PDE1A: variants seen among roughly 807,000 people sequenced by gnomAD.
PDE1A encodes phosphodiesterase 1A.
In PDE1A, 35 loss-of-function variants were observed where a neutral mutation model predicts 61.7. That is an observed-to-expected ratio of 0.57 (90% CI 0.43 to 0.75). The LOEUF is 0.75. PDE1A is among the 30% of genes least tolerant of loss of function. The probability of loss-of-function intolerance (pLI) is 0.00; values close to 1 mark genes in which losing one functional copy is unlikely to be tolerated. For synonymous variants in PDE1A, 232 were observed against 213.2 expected, an observed-to-expected ratio of 1.09 and a Z score of -0.77; for missense variants, 597 against 630.6, an observed-to-expected ratio of 0.95 and a Z score of 0.57.
chr2:182,564,717 C>T, the PDE1A span, among the ~76,000 whole-genome samples: 1 of 152,188 alleles, frequency 6.6e-6, no homozygotes, highest in Non-Finnish European at 1.5e-5. Context: ...GGTCTTTTCA[C>T]ATAGTCCCAC....
At position 182,475,007 on chromosome 2, in the gene PDE1A, G is replaced by A. The variant is rs1191409686; in HGVS notation, c.101+47269C>T. Among the ~76,000 whole-genome samples the A allele has an allele frequency of 2.0e-5, 3 of 152,044 alleles. No individual in the cohort carries two copies. The East Asian group carries it at 5.8e-4, about 30-fold the overall frequency. Reference sequence around the variant, plus strand: ...AGTCAGTGTGGCTTGACATCATTCTGGGGTATCCCTTGTCACAGCACTTTT... The same window carrying A: ...AGTCAGTGTGGCTTGACATCATTCTAGGGTATCCCTTGTCACAGCACTTTT... On this transcript the variant is annotated intron_variant, in intron 2 of 14. Transcript: ENST00000410103.
At chr2:182,464,370 A>G (rs1686515483) in intron 2 of PDE1A, among the ~76,000 whole-genome samples, 2 of 152,084 alleles carry the variant, frequency 1.3e-5, no homozygotes, top group Non-Finnish European at 2.9e-5. Flanking sequence ...ATGAGTGAAA[A>G]TTTACAGCCA....
intron 1 of PDE1A, among the ~76,000 whole-genome samples, chr2:182,329,005 G>T (rs1016790141): frequency 6.6e-6 from 1 of 152,134 alleles, no homozygotes; most frequent in African/African-American, 2.4e-5. Flanking sequence ...TCTAGGGAAA[G>T]AATCCACAGC....
At chr2:182,693,202 T>C in the PDE1A span, among the ~76,000 whole-genome samples, 1 of 152,204 alleles carries the variant, frequency 6.6e-6, no homozygotes, top group Non-Finnish European at 1.5e-5. Flanking sequence ...GTAAAGAGTA[T>C]AGTGAACTCC....
At chr2:182,710,087 C>T in the PDE1A span, among the ~76,000 whole-genome samples, 3 of 152,024 alleles carry the variant, frequency 2.0e-5, no homozygotes, top group Non-Finnish European at 1.5e-5. Context: ...AGCAGAGATA[C>T]GGTTTCACCA....
At chr2:182,399,568 G>T (rs915213628) in intron 1 of PDE1A, among the ~76,000 whole-genome samples, 1 of 151,982 alleles carries the variant, frequency 6.6e-6, no homozygotes, top group African/African-American at 2.4e-5. Context: ...CTTATCAATT[G>T]TAATAGTATA....
intron 1 of PDE1A, among the ~76,000 whole-genome samples, chr2:182,404,808 T>C (rs763308810): frequency 2.0e-5 from 3 of 152,232 alleles, no homozygotes; most frequent in Non-Finnish European, 4.4e-5. Context: ...ATCTCCTTTG[T>C]TAACAATGCA....
the PDE1A span, among the ~76,000 whole-genome samples, chr2:182,556,315 G>C: frequency 6.6e-6 from 1 of 152,208 alleles, no homozygotes; most frequent in African/African-American, 2.4e-5. Context: ...TAATTTGGCT[G>C]TTGGGGTGGT....
chr2:182,518,706 A>G (rs557169346), intron 2 of PDE1A, among the ~76,000 whole-genome samples: 3 of 152,238 alleles, frequency 2.0e-5, no homozygotes, highest in Admixed American at 1.3e-4. Flanking sequence ...CATTTTTGTC[A>G]GTAGTTTATG....
chr2:182,592,639 G>GA, the PDE1A span, among the ~76,000 whole-genome samples: 4 of 151,888 alleles, frequency 2.6e-5, no homozygotes, highest in East Asian at 1.9e-4. Flanking sequence ...CAAAATACAG[G>GA]AAAAAAAATA....
chr2:182,360,688 T>C (rs889284095), intron 1 of PDE1A, among the ~76,000 whole-genome samples: 3 of 151,998 alleles, frequency 2.0e-5, no homozygotes, highest in South Asian at 2.1e-4. Flanking sequence ...GTAATGTATA[T>C]ATTCAAATCA....
chr2:182,597,676 A>G, the PDE1A span, among the ~76,000 whole-genome samples: 1 of 152,230 alleles, frequency 6.6e-6, no homozygotes, highest in African/African-American at 2.4e-5. Flanking sequence ...AAATCTCTAG[A>G]TGCTAACTTT....
chr2:182,264,028 G>A (rs1457467173), intron 2 of PDE1A, among the ~76,000 whole-genome samples: 1 of 152,180 alleles, frequency 6.6e-6, no homozygotes, highest in African/African-American at 2.4e-5. Context: ...CAAGGAGACT[G>A]AGGATGGGGG....
intron 1 of PDE1A, among the ~76,000 whole-genome samples, chr2:182,405,010 CAACTG>C (rs772800523): frequency 2.0e-4 from 31 of 152,294 alleles, no homozygotes; most frequent in Non-Finnish European, 3.4e-4. Context: ...TACTTTTATA[CAACTG>C]GCAGTGCAGT....
chr2:182,197,630 G>A (rs1208705348), intron 10 of PDE1A, among the ~76,000 whole-genome samples: 1 of 151,770 alleles, frequency 6.6e-6, no homozygotes, highest in African/African-American at 2.4e-5. Flanking sequence ...ACTAATTGCT[G>A]TTCCATTTCC....
At chr2:182,465,527 T>C (rs955390842) in intron 2 of PDE1A, among the ~76,000 whole-genome samples, 5 of 152,142 alleles carry the variant, frequency 3.3e-5, no homozygotes, top group African/African-American at 9.6e-5. Context: ...GAAAATAAGA[T>C]ACTCTTTGGT....
the PDE1A span, among the ~76,000 whole-genome samples, chr2:182,609,451 G>A: frequency 1.3e-5 from 2 of 152,190 alleles, no homozygotes; most frequent in African/African-American, 4.8e-5. Context: ...TTGCTCACTC[G>A]TTGGGTCCAC....
Position 182,368,447 on chromosome 2 carries a change from T to C in PDE1A, c.53+58131A>G, listed in dbSNP as rs182062389. On this transcript the variant is annotated intron_variant, in intron 1 of 13. Transcript: ENST00000351439. Reference sequence around the variant, plus strand: ...TTTTTTATTCATTCCATTTATCTGTTGAAGGAACCATCTCACTTGTCCTAT... The same window carrying C: ...TTTTTTATTCATTCCATTTATCTGTCGAAGGAACCATCTCACTTGTCCTAT... Among the ~76,000 whole-genome samples, 285 of 152,054 alleles carry C rather than the reference T, an allele frequency of 1.9e-3. 2 individuals carry two copies. Among genetic ancestry groups the C allele is most frequent in the African/African-American group, 6.6e-3 (275 of 41,484 alleles).
intron 1 of PDE1A, chr2:182,522,563 G>A: frequency 7.1e-7 from 1 of 1,400,226 alleles, no homozygotes; most frequent in Non-Finnish European, 9.3e-7. Flanking sequence ...TATATCCACT[G>A]CTCACCACCT....
Sources: allele counts gnomAD v4.1 joint callset (sites outside exome capture counted in the v4.1 genomes callset), GRCh38; gene constraint gnomAD v4.1.1; transcripts MANE v1.5; gene names NCBI Gene and HGNC (gene_info 2026-07-23, HGNC 2026-07-21).